Variants in SMARCA4 observed in about 807,000 individuals in gnomAD.
SMARCA4 encodes the protein SWI/SNF-related matrix-associated actin-dependent regulator of chromatin subfamily A member 4.
Under a neutral mutation model 193.9 loss-of-function variants are expected in SMARCA4, and 31 were observed. That is an observed-to-expected ratio of 0.16 (90% CI 0.12 to 0.22). The LOEUF (loss-of-function observed/expected upper bound fraction) is 0.22. Ranked by LOEUF, SMARCA4 falls within the 10% of genes least tolerant of loss-of-function variation. The pLI is 1.00. For missense variants in SMARCA4, 1,148 were observed against 2,296.0 expected, an observed-to-expected ratio of 0.50 and a Z score of 10.22; for synonymous variants, 942 against 933.1, an observed-to-expected ratio of 1.01 and a Z score of -0.17.
At chr19:11,023,007 G>C (rs890710375) in intron 19 of SMARCA4, among the ~76,000 whole-genome samples, 1 of 152,178 alleles carries the variant, frequency 6.6e-6, no homozygotes, top group African/African-American at 2.4e-5. Flanking sequence ...ATTATTAGTA[G>C]AGGAGTAGGC....
At position 10,986,275 on chromosome 19, in the gene SMARCA4, G is replaced by A. The variant is rs138689221; in HGVS notation, c.442G>A (p.Gly148Arg). The change falls in exon 4 of 35, where the codon GGG (glycine) becomes AGG (arginine). Residue 148 changes from glycine to arginine, a missense_variant. By Grantham distance (125) the Gly-to-Arg change is moderately radical (BLOSUM62 -2). Transcript: ENST00000344626. The surrounding 1 kb of genome is among the most constrained non-coding windows in gnomAD (Gnocchi z 6.7). The stretch of plus-strand genomic sequence containing the variant: ...GTCTTCGGGGCCCCAGATGTCTTCC[G>A]GGCCAGGAGGTGCCCCGCTGGATGG... Reference protein sequence around the residue: ...GPSSGPQMSSGPGGAPLDGAD... With the variant: ...GPSSGPQMSSRPGGAPLDGAD... 87 of 1,613,674 alleles carry A rather than the reference G, an allele frequency of 5.4e-5. No homozygotes were observed. The African/African-American group carries it at 7.5e-4, about 14-fold the overall frequency.
chr19:10,987,534 CT>C lies in SMARCA4; in HGVS notation c.860-131del. ...CCCAAGGCAGGTGTGAAGGACACCCCTGGGTGAAAGGTGGGAGATGGGCGGG... is the reference window on the plus strand; with the variant it reads ...CCCAAGGCAGGTGTGAAGGACACCCCGGGTGAAAGGTGGGAGATGGGCGGG... On this transcript the variant is annotated intron_variant, in intron 5 of 34. Coordinates refer to ENST00000344626, the MANE Select transcript of SMARCA4 (RefSeq NM_003072.5). The surrounding 1 kb of genome is among the most constrained non-coding windows in gnomAD (Gnocchi z 5.3). 3 of 1,024,144 alleles carry C rather than the reference CT, an allele frequency of 2.9e-6. No homozygotes were observed. The highest frequency in any genetic ancestry group is 4.5e-6 in the Non-Finnish European group (3 of 668,896). The allele number at this position is 1,024,144 out of a possible 1,614,324, so 63.4% of individuals were successfully genotyped here. A position where few individuals can be genotyped will look rare whatever the true frequency, so the allele number is the denominator to read the frequency against.
Position 10,987,052 on chromosome 19 carries a change from T to G in SMARCA4, c.859+49T>G. On this transcript the variant is annotated intron_variant, in intron 5 of 34. Coordinates refer to ENST00000344626, the MANE Select transcript of SMARCA4 (RefSeq NM_003072.5). This position sits in a 1 kb window ranked among gnomAD's most constrained non-coding sequence, Gnocchi z 5.3. ...TGCACCCGTGCCCTTACTCCCCATC[T>G]CAAGCTTGGGTCCTTGAGATGAGCT... 1 of 1,369,732 alleles carries G rather than the reference T, an allele frequency of 7.3e-7. No individual in the cohort carries two copies. The highest frequency in any genetic ancestry group is 1.0e-6 in the Non-Finnish European group (1 of 972,746). 84.8% of individuals were successfully genotyped at this position (1,369,732 alleles called of 1,614,324 possible).
At chr19:11,057,172 AAGCAGAGAGGAGAGCGCGTTTGCCAT>A (rs2076593856) in intron 30 of SMARCA4, among the ~76,000 whole-genome samples, 1 of 152,202 alleles carries the variant, frequency 6.6e-6, no homozygotes, top group African/African-American at 2.4e-5. Context: ...CTCTGGGCCA[AAGCAGAGAGGAGAGCGCGTTTGCCAT>A]GCGTTCTCAT....
At chr19:11,047,536 G>C (rs1194911733) in intron 30 of SMARCA4, 2 of 152,016 alleles carry the variant, frequency 1.3e-5, no homozygotes, top group African/African-American at 4.8e-5. Flanking sequence ...AGCCTCCTGA[G>C]CAACTGGGAT....
intron 30 of SMARCA4, among the ~76,000 whole-genome samples, chr19:11,047,170 G>A (rs929268709): frequency 2.0e-5 from 3 of 152,058 alleles, no homozygotes; most frequent in Admixed American, 6.6e-5. Context: ...GAGCCCTAGC[G>A]GTTGTTACGC....
At position 11,041,165 on chromosome 19, in the gene SMARCA4, T is replaced by C. The variant is rs552500055; in HGVS notation, c.4171-142T>C. Reference sequence around the variant, plus strand: ...CCCTTGAGAGTCCCAGTGTGTGTTATGCCCCGAGCCAGTCAAGCTGAAGGG... The same window carrying C: ...CCCTTGAGAGTCCCAGTGTGTGTTACGCCCCGAGCCAGTCAAGCTGAAGGG... On this transcript the variant is annotated intron_variant, in intron 29 of 34. Coordinates refer to ENST00000344626, the MANE Select transcript of SMARCA4 (RefSeq NM_003072.5). The surrounding 1 kb of genome is among the most constrained non-coding windows in gnomAD (Gnocchi z 5.6). The C allele has an allele frequency of 2.2e-4, 186 of 844,844 alleles. No individual in the cohort carries two copies. The highest frequency in any genetic ancestry group is 5.6e-4 in the Admixed American group (25 of 44,254). The allele number at this position is 844,844 out of a possible 1,614,324, so 52.3% of individuals were successfully genotyped here.
At chr19:11,049,485 G>GTT (rs56043428) in intron 30 of SMARCA4, among the ~76,000 whole-genome samples, 15 of 142,884 alleles carry the variant, frequency 1.0e-4, no homozygotes, top group East Asian at 2.1e-4. Context: ...TGGGTTCTGT[G>GTT]TTTTTTTTTT....
rs1555796040 is a variant in SMARCA4 at position 11,059,891 on chromosome 19, T to TC, written c.4768+9dup. The stretch of plus-strand genomic sequence containing the variant: ...GGAAGGCTCCGAATCCGAATGTGAG[T>TC]CCCGGGGGGGTTCAGGACGCCGGGG... On this transcript the variant is annotated splice_region_variant and intron_variant, in intron 33 of 34. Coordinates refer to ENST00000344626, the MANE Select transcript of SMARCA4 (RefSeq NM_003072.5). The TC allele has an allele frequency of 1.2e-6, 2 of 1,613,614 alleles. No homozygotes were observed. Among genetic ancestry groups the TC allele is most frequent in the Non-Finnish European group, 8.5e-7 (1 of 1,179,934 alleles).
Position 10,968,785 on chromosome 19 carries a change from C to T in SMARCA4, c.-32+7611C>T, listed in dbSNP as rs76427108. On this transcript the variant is annotated intron_variant, in intron 1 of 34. Transcript: ENST00000344626. ...GGGGGAGGGTCTGCTGTGTGCGACC[C>T]ATCTTGCTCCGAAAGTCCCAGTAAA... is the stretch of plus-strand genomic sequence containing the variant. 7.8e-3 allele frequency among the ~76,000 whole-genome samples: 1,192 copies of T among 152,254 alleles called. 14 individuals are homozygous for T. Among genetic ancestry groups the T allele is most frequent in the African/African-American group, 0.027 (1,130 of 41,552 alleles).
At chr19:11,046,960 A>G (rs539703760) in intron 30 of SMARCA4, among the ~76,000 whole-genome samples, 1 of 152,032 alleles carries the variant, frequency 6.6e-6, no homozygotes, top group East Asian at 1.9e-4. Context: ...AAAAAAAAAA[A>G]AAAAAAAGCA....
In SMARCA4 at chr19:10,998,503, CT is replaced by C. The variant is rs60264578; in HGVS notation, c.1812+1974del. Among the ~76,000 whole-genome samples, 786 of 137,732 alleles carry C rather than the reference CT, an allele frequency of 5.7e-3. 1 individual carries two copies. The highest frequency in any genetic ancestry group is 9.0e-3 in the African/African-American group (337 of 37,560). 90.4% of individuals were successfully genotyped at this position (137,732 alleles called of 152,430 possible). On this transcript the variant is annotated intron_variant, in intron 11 of 34. Coordinates refer to ENST00000344626, the MANE Select transcript of SMARCA4 (RefSeq NM_003072.5). ...GAATTCCAGCTACTCCTTTTAGTAT[CT>C]TTTTTTTTTTTTTTGCCTGTATCAG...
intron 30 of SMARCA4, among the ~76,000 whole-genome samples, chr19:11,056,956 G>A (rs763484643): frequency 5.4e-4 from 82 of 152,354 alleles, no homozygotes; most frequent in Non-Finnish European, 1.0e-3. Context: ...AACAGACGGC[G>A]GGGCCAGCCA....
Position 11,033,223 on chromosome 19 carries a change from C to A in SMARCA4, c.3547-67C>A. ...CACAGCACACCTCTCCAGCTAGTGT[C>A]AGAGGCCACCTTCCCTTTTATGACC... On this transcript the variant is annotated intron_variant, in intron 25 of 34. Transcript: ENST00000344626. This position sits in a 1 kb window ranked among gnomAD's most constrained non-coding sequence, Gnocchi z 9.8. The A allele has an allele frequency of 8.1e-7, 1 of 1,236,750 alleles. No homozygotes were observed. The highest frequency in any genetic ancestry group is 1.2e-6 in the Non-Finnish European group (1 of 838,910). The allele number at this position is 1,236,750 out of a possible 1,614,324, so 76.6% of individuals were successfully genotyped here.
intron 11 of SMARCA4, among the ~76,000 whole-genome samples, chr19:10,997,627 A>G (rs1465600065): frequency 2.0e-5 from 3 of 151,896 alleles, no homozygotes; most frequent in African/African-American, 7.3e-5. Context: ...CGCCTGGCCT[A>G]ATTTTTTAAA....
chr19:10,989,508 T>C (rs2145853112), intron 7 of SMARCA4, 65 bp downstream of exon 7: 1 of 1,589,126 alleles, frequency 6.3e-7, no homozygotes, highest in Admixed American at 1.7e-5. Context: ...CTGCTAAGGC[T>C]CCAAATACGG....
Position 11,033,106 on chromosome 19 carries a change from C to T in SMARCA4, c.3547-184C>T, listed in dbSNP as rs577775572. On this transcript the variant is annotated intron_variant, in intron 25 of 34. Transcript: ENST00000344626. The surrounding 1 kb of genome is among the most constrained non-coding windows in gnomAD (Gnocchi z 9.8). Reference sequence around the variant, plus strand: ...GAACGTGATGAGAGTCCCCTTCCCCCGAGGGACACATGGCGGCCCAGGCTC... The same window carrying T: ...GAACGTGATGAGAGTCCCCTTCCCCTGAGGGACACATGGCGGCCCAGGCTC... 8.1e-5 allele frequency: 54 copies of T among 670,718 alleles called. No homozygotes were observed. The highest frequency in any genetic ancestry group is 3.0e-4 in the African/African-American group (17 of 56,706). 41.5% of individuals were successfully genotyped at this position (670,718 alleles called of 1,614,324 possible). A position where few individuals can be genotyped will look rare whatever the true frequency, so the allele number is the denominator to read the frequency against.
chr19:10,971,069 G>A (rs2145517325), intron 1 of SMARCA4, among the ~76,000 whole-genome samples: 1 of 152,256 alleles, frequency 6.6e-6, no homozygotes, highest in East Asian at 1.9e-4. Context: ...GGTGGCGCGT[G>A]CCTGTAATCC....
Position 10,996,051 on chromosome 19 carries a change from A to G in SMARCA4, c.1594-162A>G, listed in dbSNP as rs1388642535. 51 of 784,462 alleles carry G rather than the reference A, an allele frequency of 6.5e-5. 1 individual carries two copies. Among genetic ancestry groups the G allele is most frequent in the Non-Finnish European group, 5.0e-5 (22 of 438,878 alleles). 48.6% of individuals were successfully genotyped at this position (784,462 alleles called of 1,614,324 possible). A position where few individuals can be genotyped will look rare whatever the true frequency, so the allele number is the denominator to read the frequency against. ...CTAGCCCTTGGTGGGTTTTGAGGAA[A>G]TGATTCCTGAATGAGGAGTCGATTG... On this transcript the variant is annotated intron_variant, in intron 9 of 34. Transcript: ENST00000344626.
Sources: allele counts gnomAD v4.1 joint callset (sites outside exome capture counted in the v4.1 genomes callset), GRCh38; gene constraint gnomAD v4.1.1; non-coding constraint Gnocchi (gnomAD v3.1); transcripts MANE v1.5; gene names NCBI Gene and HGNC (gene_info 2026-07-23, HGNC 2026-07-21).